Variants in MKLN1 observed in about 807,000 individuals in gnomAD.
MKLN1 encodes muskelin 1, also known as muskelin.
In MKLN1, 18 loss-of-function variants were observed where a neutral mutation model predicts 99.0. That is an observed-to-expected ratio of 0.18 (90% CI 0.13 to 0.27). MKLN1 has a LOEUF of 0.27. MKLN1 is among the 10% of genes least tolerant of loss of function. The probability of loss-of-function intolerance (pLI) is 1.00; values close to 1 mark genes in which losing one functional copy is unlikely to be tolerated. For synonymous variants in MKLN1, 288 were observed against 293.2 expected, an observed-to-expected ratio of 0.98 and a Z score of 0.18; for missense variants, 621 against 875.9, an observed-to-expected ratio of 0.71 and a Z score of 3.67.
intron 2 of MKLN1, among the ~76,000 whole-genome samples, chr7:131,194,731 G>T (rs1300132173): frequency 1.3e-5 from 2 of 152,190 alleles, no homozygotes; most frequent in Admixed American, 1.3e-4. Context: ...TGAATGTGTT[G>T]CTAGTTGCTT....
rs56706181 is a variant in MKLN1, at chr7:131,374,222, A to G, written c.99-1202A>G. On this transcript the variant is annotated intron_variant, in intron 1 of 17. Transcript: ENST00000352689. ...TCTGGAATCAGCCATTTCTCCAGCT[A>G]CTCCTGTTTTCTTTTATTGGAGAGT... Among the ~76,000 whole-genome samples, 960 of 151,366 alleles carry G rather than the reference A, an allele frequency of 6.3e-3. 9 individuals carry two copies. Among genetic ancestry groups the G allele is most frequent in the African/African-American group, 0.022 (903 of 41,198 alleles).
At chr7:131,362,606 A>G (rs1198426879) in intron 1 of MKLN1, among the ~76,000 whole-genome samples, 1 of 151,978 alleles carries the variant, frequency 6.6e-6, no homozygotes, top group Non-Finnish European at 1.5e-5. Flanking sequence ...TTCCAATTAT[A>G]TATTTTTTTG....
At chr7:131,351,372 C>T (rs1369250262) in intron 1 of MKLN1, among the ~76,000 whole-genome samples, 6 of 152,172 alleles carry the variant, frequency 3.9e-5, no homozygotes, top group African/African-American at 1.4e-4. Context: ...TAGATATGTT[C>T]AGTTGTTTCT....
chr7:131,453,519 T>C (rs1355514553), intron 12 of MKLN1, among the ~76,000 whole-genome samples: 2 of 152,158 alleles, frequency 1.3e-5, no homozygotes, highest in Admixed American at 6.5e-5. Flanking sequence ...CAAGACTCTT[T>C]CTCTTTAAAT....
rs556390554 is a variant in MKLN1, at chr7:131,246,702, G to C, written c.-179+43728G>C. Among the ~76,000 whole-genome samples the C allele has an allele frequency of 1.3e-3, 197 of 151,406 alleles. 4 individuals are homozygous for C. The Middle Eastern group carries it at 0.02, about 16-fold the overall frequency. Reference sequence around the variant, plus strand: ...GGGGTTTTGCCATGTTGCCCAGGCTGGACTCCTGGCCTCAAGTGATGTGCC... The same window carrying C: ...GGGGTTTTGCCATGTTGCCCAGGCTCGACTCCTGGCCTCAAGTGATGTGCC... On this transcript the variant is annotated intron_variant, in intron 3 of 7. Coordinates refer to the MKLN1 transcript ENST00000416992.
At chr7:131,325,043 A>AT (rs376152887), upstream of MKLN1, among the ~76,000 whole-genome samples, 12 of 149,450 alleles carry the variant, frequency 8.0e-5, no homozygotes, top group South Asian at 2.1e-4. Context: ...AAGTGCTGGC[A>AT]TTTTTTTTTT....
At chr7:131,333,079 A>C (rs1328748067) in intron 1 of MKLN1, among the ~76,000 whole-genome samples, 2 of 151,960 alleles carry the variant, frequency 1.3e-5, no homozygotes, top group African/African-American at 4.8e-5. Context: ...GTGCACCACC[A>C]CGTCTGGTTA....
At chr7:131,317,530 T>C (rs1798691686) in intron 3 of MKLN1, among the ~76,000 whole-genome samples, 1 of 152,062 alleles carries the variant, frequency 6.6e-6, no homozygotes, top group Non-Finnish European at 1.5e-5. Context: ...AGTGACACTA[T>C]GAAGAAACTG....
rs1162556260 is a variant in MKLN1 at position 131,193,389 on chromosome 7, G to A, written c.-296-9468G>A. Among the ~76,000 whole-genome samples the A allele has an allele frequency of 5.3e-5, 8 of 151,758 alleles. No homozygotes were observed. In the South Asian group the frequency reaches 6.3e-4, roughly 12 times the overall value. The stretch of plus-strand genomic sequence containing the variant: ...TATTATTATTATTATTTTTTGAGAC[G>A]GAGTCTCACTCTGTTGCCCAGGCTG... On this transcript the variant is annotated intron_variant, in intron 2 of 7. Coordinates refer to the MKLN1 transcript ENST00000416992.
At chr7:131,384,961 C>G (rs1793964550) in intron 2 of MKLN1, among the ~76,000 whole-genome samples, 1 of 152,170 alleles carries the variant, frequency 6.6e-6, no homozygotes, top group Admixed American at 6.5e-5. Flanking sequence ...CAGAATTGAG[C>G]AACTATCACC....
chr7:131,414,118 A>G (rs1794951061), intron 7 of MKLN1, among the ~76,000 whole-genome samples: 1 of 152,188 alleles, frequency 6.6e-6, no homozygotes. Flanking sequence ...ATAATTACAC[A>G]AAGTACAAAA....
intron 1 of MKLN1, among the ~76,000 whole-genome samples, chr7:131,346,413 T>G (rs1335007928): frequency 6.6e-6 from 1 of 151,724 alleles, no homozygotes; most frequent in Non-Finnish European, 1.5e-5. Flanking sequence ...TCCCAGCTAG[T>G]CGGGAGGCTG....
intron 2 of MKLN1, among the ~76,000 whole-genome samples, chr7:131,186,603 G>C (rs562851686): frequency 3.9e-5 from 6 of 152,106 alleles, no homozygotes; most frequent in Admixed American, 2.6e-4. Context: ...GTGGGCTTAC[G>C]GTCTGTTTTA....
chr7:131,190,541 C>G (rs1213608720), intron 2 of MKLN1, among the ~76,000 whole-genome samples: 1 of 150,996 alleles, frequency 6.6e-6, no homozygotes, highest in Non-Finnish European at 1.5e-5. Context: ...TAGCTCTAAA[C>G]TATGCAGGTT....
At chr7:131,206,660 ATCT>A (rs1161285696) in intron 3 of MKLN1, among the ~76,000 whole-genome samples, 1 of 151,686 alleles carries the variant, frequency 6.6e-6, no homozygotes, top group Non-Finnish European at 1.5e-5. Context: ...GGTTCAAGCA[ATCT>A]TCTTGCTTCA....
At chr7:131,173,157 A>C (rs1043513274) in intron 2 of MKLN1, among the ~76,000 whole-genome samples, 10 of 151,974 alleles carry the variant, frequency 6.6e-5, no homozygotes, top group Non-Finnish European at 1.3e-4. Flanking sequence ...ACACACACAC[A>C]CACACACACA....
chr7:131,215,073 GT>G (rs1796959532), intron 3 of MKLN1, among the ~76,000 whole-genome samples: 1 of 152,160 alleles, frequency 6.6e-6, no homozygotes, highest in South Asian at 2.1e-4. Context: ...ACAAGACAGA[GT>G]TTCGCTTTGT....
At chr7:131,413,247 A>G (rs1794929008) in intron 7 of MKLN1, among the ~76,000 whole-genome samples, 1 of 152,196 alleles carries the variant, frequency 6.6e-6, no homozygotes, top group Non-Finnish European at 1.5e-5. Flanking sequence ...TTTGGAGGGA[A>G]CTTCTGGATG....
chr7:131,242,347 G>A (rs1376876986), intron 3 of MKLN1, among the ~76,000 whole-genome samples: 1 of 152,062 alleles, frequency 6.6e-6, no homozygotes, highest in Non-Finnish European at 1.5e-5. Context: ...ACCAACTTGG[G>A]CACATAGCAA....
Sources: gnomAD v4.1 joint callset for allele counts (sites outside exome capture counted in the v4.1 genomes callset) on GRCh38, gnomAD v4.1.1 for gene constraint, MANE v1.5 for transcripts, NCBI Gene and HGNC (gene_info 2026-07-23, HGNC 2026-07-21) for gene names.